The following KIF26B variants were observed in gnomAD, a reference collection of about 807,000 sequenced individuals.
The protein encoded by KIF26B is kinesin family member 26B.
In KIF26B, 63 loss-of-function variants were observed where a neutral mutation model predicts 151.2. That is an observed-to-expected ratio of 0.42 (90% CI 0.34 to 0.51). The LOEUF is 0.51. Ranked by LOEUF, KIF26B falls within the 20% of genes least tolerant of loss-of-function variation. The probability of loss-of-function intolerance (pLI) is 0.07; values close to 1 mark genes in which losing one functional copy is unlikely to be tolerated. For missense variants in KIF26B, 2,813 were observed against 2,913.6 expected, an observed-to-expected ratio of 0.97 and a Z score of 0.79; for synonymous variants, 1,357 against 1,262.1, an observed-to-expected ratio of 1.08 and a Z score of -1.59.
rs199500929 is a variant in KIF26B at position 245,687,203 on chromosome 1, C to T, written c.4220C>T (p.Pro1407Leu). 36 of 1,612,826 alleles carry T rather than the reference C, an allele frequency of 2.2e-5. 1 individual carries two copies. In the Admixed American group the frequency reaches 3.5e-4, roughly 16 times the overall value. Reference protein sequence around the residue: ...IAMSPRNIQEPEAPTATPKAG... With the variant: ...IAMSPRNIQELEAPTATPKAG... ...ATGAGCCCCCGGAACATCCAAGAGCCGGAGGCCCCCACCGCCACCCCCAAA... is the reference window on the plus strand; with the variant it reads ...ATGAGCCCCCGGAACATCCAAGAGCTGGAGGCCCCCACCGCCACCCCCAAA... The change falls in exon 12 of 15, where the codon CCG becomes CTG. Residue 1407 changes from proline (P) to leucine (L), a missense_variant. By Grantham distance (98) the Pro-to-Leu change is moderately conservative (BLOSUM62 -3). Around this residue, in one of 3 missense-constraint regions of KIF26B, gnomAD observed 2,060 missense variants for 2,088.6 expected, o/e 0.99. Transcript: ENST00000407071. This position sits in a 1 kb window ranked among gnomAD's most constrained non-coding sequence, Gnocchi z 4.9.
At chr1:245,440,501 A>G (rs1278898675) in intron 4 of KIF26B, among the ~76,000 whole-genome samples, 2 of 152,204 alleles carry the variant, frequency 1.3e-5, no homozygotes, top group African/African-American at 2.4e-5. Flanking sequence ...CTGAGAATAT[A>G]AATCTGCAGG....
chr1:245,158,864 GT>G (rs749072682), intron 2 of KIF26B, among the ~76,000 whole-genome samples: 723 of 57,114 alleles, frequency 0.013, 6 homozygotes, highest in South Asian at 0.015. Context: ...GTGTGTGTGT[GT>G]GTGTGGTGTG....
intron 5 of KIF26B, among the ~76,000 whole-genome samples, chr1:245,561,925 C>T (rs577671959): frequency 1.4e-4 from 22 of 152,292 alleles, no homozygotes; most frequent in South Asian, 8.3e-4. Flanking sequence ...GTCTCCATCC[C>T]AAGGCTCTTT....
chr1:245,525,283 G>C (rs557237572), intron 4 of KIF26B, among the ~76,000 whole-genome samples: 179 of 152,346 alleles, frequency 1.2e-3, no homozygotes, highest in African/African-American at 4.3e-3. Context: ...CACGTAGGAA[G>C]TGAAGAATCT....
Position 245,564,126 on chromosome 1 carries a change from C to T in KIF26B, c.1350+23176C>T, listed in dbSNP as rs558651018. On this transcript the variant is annotated intron_variant, in intron 5 of 14. Coordinates refer to ENST00000407071, the MANE Select transcript of KIF26B (RefSeq NM_018012.4). This position sits in a 1 kb window ranked among gnomAD's most constrained non-coding sequence, Gnocchi z 4.6. ...ACCGTCCCTTCCTATCCCAAAATGT[C>T]ACCTCCCCTGTGTTGCAGCCACACT... Among the ~76,000 whole-genome samples the T allele has an allele frequency of 1.3e-5, 2 of 152,264 alleles. No homozygotes were observed. Among genetic ancestry groups the T allele is most frequent in the East Asian group, 3.9e-4 (2 of 5,180 alleles).
chr1:245,199,726 T>C (rs1669264538), intron 2 of KIF26B, among the ~76,000 whole-genome samples: 1 of 152,158 alleles, frequency 6.6e-6, no homozygotes, highest in African/African-American at 2.4e-5. Context: ...TTAAGAAATC[T>C]GTCTGCTTCA....
chr1:245,261,500 TCTCCCTCC>T lies in KIF26B; in HGVS notation c.465+104833_465+104840del, dbSNP rs1294087351. Among the ~76,000 whole-genome samples, 533 of 61,682 alleles carry T rather than the reference TCTCCCTCC, an allele frequency of 8.6e-3. 7 individuals carry two copies. The highest frequency in any genetic ancestry group is 0.013 in the Non-Finnish European group (397 of 31,438). The allele number at this position is 61,682 out of a possible 152,430, so 40.5% of individuals were successfully genotyped here. A position where few individuals can be genotyped will look rare whatever the true frequency, so the allele number is the denominator to read the frequency against. On this transcript the variant is annotated intron_variant, in intron 2 of 14. Transcript: ENST00000407071. Reference sequence around the variant, plus strand: ...CTCTCTCTCTCTCTCTCTCTCTCTCTCTCCCTCCCTCCCTCCCTCCCTCTCTCTCCCTC... The same window carrying T: ...CTCTCTCTCTCTCTCTCTCTCTCTCTCTCCCTCCCTCCCTCTCTCTCCCTC...
intron 2 of KIF26B, among the ~76,000 whole-genome samples, chr1:245,361,034 C>T (rs193079146): frequency 1.4e-4 from 22 of 152,194 alleles, no homozygotes; most frequent in East Asian, 1.2e-3. Flanking sequence ...GGGGTTGTGA[C>T]GAGAAATGCC....
intron 5 of KIF26B, among the ~76,000 whole-genome samples, chr1:245,587,518 C>T (rs536562174): frequency 5.0e-4 from 76 of 152,258 alleles, no homozygotes; most frequent in Non-Finnish European, 4.1e-4. Flanking sequence ...GGAGAGCTGC[C>T]GGCCATTGTT....
intron 10 of KIF26B, among the ~76,000 whole-genome samples, chr1:245,677,303 C>G (rs1472240801): frequency 6.6e-6 from 1 of 152,218 alleles, no homozygotes; most frequent in East Asian, 1.9e-4. Flanking sequence ...GAACCTCTAG[C>G]ATGCATGCTG....
intron 3 of KIF26B, among the ~76,000 whole-genome samples, chr1:245,381,473 G>A (rs112120338): frequency 0.013 from 1,976 of 152,254 alleles, 43 homozygotes; most frequent in African/African-American, 0.045. Flanking sequence ...TTAAAACATT[G>A]CGAGATTTTT....
intron 2 of KIF26B, among the ~76,000 whole-genome samples, chr1:245,297,560 T>G (rs1043808342): frequency 3.3e-5 from 5 of 152,128 alleles, no homozygotes; most frequent in African/African-American, 1.2e-4. Context: ...AAAATTAGAG[T>G]CACAATTGTC....
At chr1:245,449,259 G>C (rs148083029) in intron 4 of KIF26B, among the ~76,000 whole-genome samples, 1 of 152,204 alleles carries the variant, frequency 6.6e-6, no homozygotes, top group Non-Finnish European at 1.5e-5. Flanking sequence ...ATTTGCGTAG[G>C]CTGAGAACAG....
Position 245,334,812 on chromosome 1 carries a change from C to T in KIF26B, c.466-32022C>T, listed in dbSNP as rs563784219. 3.3e-5 allele frequency among the ~76,000 whole-genome samples: 5 copies of T among 152,330 alleles called. No homozygotes were observed. The East Asian group carries it at 5.8e-4, about 18-fold the overall frequency. The stretch of plus-strand genomic sequence containing the variant: ...GTCAAGTACTTTCCATAACTGCTGT[C>T]ATGTCAGCCTCCTACTAACCCTGTA... On this transcript the variant is annotated intron_variant, in intron 2 of 14. Coordinates refer to ENST00000407071, the MANE Select transcript of KIF26B (RefSeq NM_018012.4).
At chr1:245,237,316 G>A (rs1296808297) in intron 2 of KIF26B, among the ~76,000 whole-genome samples, 1 of 152,102 alleles carries the variant, frequency 6.6e-6, no homozygotes, top group Non-Finnish European at 1.5e-5. Flanking sequence ...CTTCTCTCTG[G>A]ACATATGGCA....
chr1:245,530,918 A>T (rs1661344645), intron 4 of KIF26B, among the ~76,000 whole-genome samples: 1 of 152,152 alleles, frequency 6.6e-6, no homozygotes, highest in Admixed American at 6.5e-5. Context: ...ATACTGATGG[A>T]CTGAGTTTCC....
In KIF26B at chr1:245,687,338, C is replaced by T. The variant is rs1245040038; in HGVS notation, c.4355C>T (p.Thr1452Met). The change falls in exon 12 of 15, where the codon ACG (threonine) becomes ATG (methionine). Residue 1452 changes from threonine to methionine, a missense_variant. Coordinates refer to ENST00000407071, the MANE Select transcript of KIF26B (RefSeq NM_018012.4). This position sits in a 1 kb window ranked among gnomAD's most constrained non-coding sequence, Gnocchi z 4.9. ...CGAGAAGAGGAAGTGAAAAAAGAGACGGCTCATCCCAATGAAGAAGGGATG... is the reference window on the plus strand; with the variant it reads ...CGAGAAGAGGAAGTGAAAAAAGAGATGGCTCATCCCAATGAAGAAGGGATG... ...LKREEEVKKE[T>M]AHPNEEGMMR... 25 of 1,596,740 alleles carry T rather than the reference C, an allele frequency of 1.6e-5. No individual in the cohort carries two copies. The highest frequency in any genetic ancestry group is 4.0e-5 in the African/African-American group (3 of 74,540).
At chr1:245,348,704 C>T (rs924057051) in intron 2 of KIF26B, among the ~76,000 whole-genome samples, 2 of 152,148 alleles carry the variant, frequency 1.3e-5, no homozygotes, top group Admixed American at 6.5e-5. Context: ...GGCAACACCA[C>T]GTTCAGTTTA....
chr1:245,614,090 T>A (rs1426720398), intron 9 of KIF26B, among the ~76,000 whole-genome samples: 1 of 152,168 alleles, frequency 6.6e-6, no homozygotes, highest in African/African-American at 2.4e-5. Flanking sequence ...CGTAGTGTCC[T>A]AATGCATTTG....
Sources: gnomAD v4.1 joint callset for allele counts (sites outside exome capture counted in the v4.1 genomes callset) on GRCh38, gnomAD v4.1.1 for gene constraint, gnomAD v4.1.1 regional missense constraint, Gnocchi (gnomAD v3.1) non-coding constraint, MANE v1.5 for transcripts, NCBI Gene and HGNC (gene_info 2026-07-23, HGNC 2026-07-21) for gene names.